Variants in MAGI3 observed in about 807,000 individuals in gnomAD.
MAGI3 encodes the protein membrane associated guanylate kinase, WW and PDZ domain containing 3.
In MAGI3, 43 loss-of-function variants were observed where a neutral mutation model predicts 121.8. That is an observed-to-expected ratio of 0.35 (90% CI 0.28 to 0.46). MAGI3 has a LOEUF of 0.46. Among genes scored for constraint, MAGI3 ranks in the 20% least tolerant of loss-of-function variants. The pLI, the probability that MAGI3 is intolerant of heterozygous loss-of-function variation, is 1.00. For synonymous variants in MAGI3, 553 were observed against 639.3 expected (o/e 0.86, Z 2.04); for missense variants, 1,547 against 1,797.3 (o/e 0.86, Z 2.52).
chr1:113,530,356 C>T (rs1237449550), intron 1 of MAGI3, among the ~76,000 whole-genome samples: 5 of 148,714 alleles, frequency 3.4e-5, no homozygotes, highest in Admixed American at 2.0e-4. Context: ...AACGCAGGAA[C>T]AGAAAACCGA....
At chr1:113,626,242 T>A (rs1651233039) in intron 9 of MAGI3, among the ~76,000 whole-genome samples, 1 of 152,246 alleles carries the variant, frequency 6.6e-6, no homozygotes, top group Non-Finnish European at 1.5e-5. Flanking sequence ...TTATCCTTCA[T>A]TCTGTTGATA....
chr1:113,662,421 C>T (rs181227930), intron 16 of MAGI3, among the ~76,000 whole-genome samples: 36 of 152,152 alleles, frequency 2.4e-4, no homozygotes, highest in Non-Finnish European at 3.4e-4. Context: ...TCTGGTAGTT[C>T]CTGCTTACTG....
rs530979575 is a variant in MAGI3 at position 113,634,442 on chromosome 1, T to C, written c.1361-7469T>C. ...TGTAAGGAAGGGATCCAGTTTCAGCTTTCTACATATGGCTAGCCAGTTTTC... is the reference window on the plus strand; with the variant it reads ...TGTAAGGAAGGGATCCAGTTTCAGCCTTCTACATATGGCTAGCCAGTTTTC... On this transcript the variant is annotated intron_variant, in intron 9 of 20. Coordinates refer to ENST00000307546, the MANE Select transcript of MAGI3 (RefSeq NM_001142782.2). Among the ~76,000 whole-genome samples the C allele has an allele frequency of 1.4e-4, 22 of 152,384 alleles. No homozygotes were observed. In the East Asian group the frequency reaches 4.2e-3, roughly 29 times the overall value.
chr1:113,683,792 A>G lies in MAGI3; in HGVS notation c.4224A>G (p.Glu1408=), dbSNP rs1448879653. Residue 1408 remains glutamate (E), a synonymous_variant, in exon 21 of 21, where the codon GAA becomes GAG. Coordinates refer to ENST00000307546, the MANE Select transcript of MAGI3 (RefSeq NM_001142782.2). ...TAGGAGAAAATGTCCAGCTATCAGA[A>G]AAGAGGCTGAAGCAAGAACCTGAAG... ...DKIGENVQLS[E]KRLKQEPEEK... is the part of the protein sequence containing the mutation. The G allele has an allele frequency of 3.0e-5, 49 of 1,608,020 alleles. No individual in the cohort carries two copies. Among genetic ancestry groups the G allele is most frequent in the Non-Finnish European group, 3.5e-5 (41 of 1,176,960 alleles).
chr1:113,633,428 A>C (rs1337474191), intron 9 of MAGI3, among the ~76,000 whole-genome samples: 1 of 149,820 alleles, frequency 6.7e-6, no homozygotes, highest in African/African-American at 2.5e-5. Context: ...CGCCCGGCTA[A>C]TTTTTTGTAT....
At chr1:113,550,370 A>G (rs924019485) in intron 2 of MAGI3, among the ~76,000 whole-genome samples, 3 of 148,420 alleles carry the variant, frequency 2.0e-5, no homozygotes, top group Non-Finnish European at 4.5e-5. Flanking sequence ...GAGCCGAGAT[A>G]GCGCCACTGC....
At chr1:113,568,903 C>A (rs1660541209) in intron 2 of MAGI3, among the ~76,000 whole-genome samples, 1 of 151,920 alleles carries the variant, frequency 6.6e-6, no homozygotes, top group South Asian at 2.1e-4. Context: ...GACACAAAAA[C>A]CATTAGCTGT....
At position 113,685,239 on chromosome 1, in the gene MAGI3, A is replaced by ATGTT. The variant is rs1320096623; in HGVS notation, c.*1227_*1230dup. The ATGTT allele has an allele frequency of 1.4e-4, 22 of 152,388 alleles. No homozygotes were observed. The highest frequency in any genetic ancestry group is 5.1e-4 in the African/African-American group (21 of 41,462). The allele number at this position is 152,388 out of a possible 1,614,324, so 9.4% of individuals were successfully genotyped here. On this transcript the variant is annotated 3_prime_UTR_variant, in exon 21 of 21. Transcript: ENST00000307546. ...ATTCTTTTTAAAAGTCTAGTTAAAG[A>ATGTT]TGTTTCTTAGAAGTTGGAGACTGTT...
chr1:113,396,764 A>G (rs1384097437), intron 1 of MAGI3, among the ~76,000 whole-genome samples: 2 of 152,190 alleles, frequency 1.3e-5, no homozygotes, highest in African/African-American at 4.8e-5. Flanking sequence ...CGATATAAAC[A>G]TGAGTCAGAA....
rs990358586 is a variant in MAGI3, at chr1:113,658,988, T to C, written c.2630-92T>C. On this transcript the variant is annotated intron_variant, in intron 15 of 20. Transcript: ENST00000307546. The surrounding 1 kb of genome is among the most constrained non-coding windows in gnomAD (Gnocchi z 4.0). The stretch of plus-strand genomic sequence containing the variant: ...TATGTTTTTAAATAATTTTCTTTGA[T>C]GTTATGTTGAATTTTAAATGACGTT... 6.8e-6 allele frequency: 7 copies of C among 1,022,194 alleles called. No homozygotes were observed. The highest frequency in any genetic ancestry group is 5.8e-6 in the Non-Finnish European group (4 of 687,864). The allele number at this position is 1,022,194 out of a possible 1,614,324, so 63.3% of individuals were successfully genotyped here. A position where few individuals can be genotyped will look rare whatever the true frequency, so the allele number is the denominator to read the frequency against.
At chr1:113,416,426 A>ATTATATATGATT (rs1491428348) in intron 1 of MAGI3, among the ~76,000 whole-genome samples, 1 of 123,156 alleles carries the variant, frequency 8.1e-6, no homozygotes, top group African/African-American at 3.0e-5. Context: ...ATAATTAATA[A>ATTATATATGATT]TATATATTAA....
rs372098397 is a variant in MAGI3, at chr1:113,672,793, C to T, written c.3045+52C>T. The T allele has an allele frequency of 3.7e-5, 58 of 1,550,870 alleles. No homozygotes were observed. In the African/African-American group the frequency reaches 7.8e-4, roughly 21 times the overall value. On this transcript the variant is annotated intron_variant, in intron 18 of 20. Coordinates refer to ENST00000307546, the MANE Select transcript of MAGI3 (RefSeq NM_001142782.2). ...AGTGATATTTTGAGTTGCCATACCA[C>T]TGGCATTGGTGAATTTTTATTGCAA...
chr1:113,557,453 T>A (rs771591387), intron 2 of MAGI3, among the ~76,000 whole-genome samples: 1 of 152,226 alleles, frequency 6.6e-6, no homozygotes, highest in Non-Finnish European at 1.5e-5. Context: ...GTGGCCAGAC[T>A]GTTTCTTTAA....
intron 16 of MAGI3, among the ~76,000 whole-genome samples, chr1:113,665,002 A>G (rs1422033676): frequency 6.6e-6 from 1 of 152,172 alleles, no homozygotes; most frequent in Non-Finnish European, 1.5e-5. Flanking sequence ...GATGTAATCA[A>G]ATTTGTCACT....
At position 113,640,936 on chromosome 1, in the gene MAGI3, AT is replaced by A. The variant is rs1036731151; in HGVS notation, c.1361-974del. On this transcript the variant is annotated intron_variant, in intron 9 of 20. Coordinates refer to ENST00000307546, the MANE Select transcript of MAGI3 (RefSeq NM_001142782.2). Reference sequence around the variant, plus strand: ...ATATATGATATATTTTATATATCATATATATAAATATATATAATATTAAATA... The same window carrying A: ...ATATATGATATATTTTATATATCATAATATAAATATATATAATATTAAATA... Among the ~76,000 whole-genome samples the A allele has an allele frequency of 2.6e-3, 25 of 9,694 alleles. No individual in the cohort carries two copies. In the African/African-American group the frequency reaches 0.028, roughly 11 times the overall value. The allele number at this position is 9,694 out of a possible 152,430, so 6.4% of individuals were successfully genotyped here. A position where few individuals can be genotyped will look rare whatever the true frequency, so the allele number is the denominator to read the frequency against.
At position 113,429,890 on chromosome 1, in the gene MAGI3, C is replaced by G. The variant is rs555506340; in HGVS notation, c.316+38541C>G. Among the ~76,000 whole-genome samples, 199 of 152,252 alleles carry G rather than the reference C, an allele frequency of 1.3e-3. 9 individuals are homozygous for G. The South Asian group carries it at 0.041, about 31-fold the overall frequency. On this transcript the variant is annotated intron_variant, in intron 1 of 20. Transcript: ENST00000307546. ...GCCTTAGGTTCCCTGCCTCCAGACC[C>G]TATTCTCCTGCCTCACCATAAAGGC...
intron 9 of MAGI3, among the ~76,000 whole-genome samples, chr1:113,631,542 A>C (rs1651632834): frequency 6.6e-6 from 1 of 152,196 alleles, no homozygotes; most frequent in Admixed American, 6.5e-5. Flanking sequence ...ACTTTGAGAT[A>C]ATCCTTTTGC....
intron 2 of MAGI3, among the ~76,000 whole-genome samples, chr1:113,570,399 A>G (rs1647229223): frequency 6.6e-6 from 1 of 152,204 alleles, no homozygotes. Flanking sequence ...TCTTTTGAGT[A>G]TATACCCAGT....
At chr1:113,666,920 T>C (rs150005790) in intron 16 of MAGI3, among the ~76,000 whole-genome samples, 249 of 152,358 alleles carry the variant, frequency 1.6e-3, no homozygotes, top group African/African-American at 5.9e-3. Flanking sequence ...CTTGAGTGAC[T>C]AGGTGCTTTG....
Sources: gnomAD v4.1 joint callset for allele counts (sites outside exome capture counted in the v4.1 genomes callset) on GRCh38, gnomAD v4.1.1 for gene constraint, Gnocchi (gnomAD v3.1) non-coding constraint, MANE v1.5 for transcripts, NCBI Gene and HGNC (gene_info 2026-07-23, HGNC 2026-07-21) for gene names.